SLC2A13: variants seen among roughly 807,000 people sequenced by gnomAD.
The protein encoded by SLC2A13 is solute carrier family 2 member 13.
Under a neutral mutation model 64.4 loss-of-function variants are expected in SLC2A13, and 32 were observed. The ratio of observed to expected loss-of-function variants is 0.50; its 90% confidence interval spans 0.37 to 0.67. The LOEUF (loss-of-function observed/expected upper bound fraction) is 0.67. SLC2A13 is among the 30% of genes least tolerant of loss of function. SLC2A13 has a pLI of 0.00. For synonymous variants in SLC2A13, 338 were observed against 327.1 expected (o/e 1.03, Z -0.36); for missense variants, 743 against 829.2 (o/e 0.90, Z 1.28).
At chr12:39,889,693 C>T (rs908109149) in intron 4 of SLC2A13, among the ~76,000 whole-genome samples, 4 of 151,754 alleles carry the variant, frequency 2.6e-5, no homozygotes, top group East Asian at 1.9e-4. Context: ...CCACCACGCC[C>T]GGCTAATTTT....
intron 1 of SLC2A13, among the ~76,000 whole-genome samples, chr12:40,098,589 GGAGTGAGT>G (rs887420569): frequency 1.3e-5 from 2 of 152,204 alleles, no homozygotes; most frequent in Non-Finnish European, 2.9e-5. Context: ...GTTTCAGGGA[GGAGTGAGT>G]GAGTGAGTGA....
chr12:40,013,091 A>C (rs1348155228), intron 3 of SLC2A13, among the ~76,000 whole-genome samples: 1 of 152,170 alleles, frequency 6.6e-6, no homozygotes, highest in Non-Finnish European at 1.5e-5. Flanking sequence ...TAGTTTCTAT[A>C]GTCAAAAGAT....
intron 7 of SLC2A13, among the ~76,000 whole-genome samples, chr12:39,801,736 C>G (rs1242467965): frequency 6.6e-6 from 1 of 152,168 alleles, no homozygotes; most frequent in Non-Finnish European, 1.5e-5. Flanking sequence ...GTTTCCTCAT[C>G]TATAAAAGGA....
chr12:40,003,582 A>G (rs1947354603), intron 3 of SLC2A13, among the ~76,000 whole-genome samples: 1 of 152,144 alleles, frequency 6.6e-6, no homozygotes. Flanking sequence ...TGAAGGGACT[A>G]ATGACATGCC....
intron 3 of SLC2A13, among the ~76,000 whole-genome samples, chr12:39,993,690 A>T (rs1947177068): frequency 6.6e-6 from 1 of 152,236 alleles, no homozygotes; most frequent in South Asian, 2.1e-4. Flanking sequence ...AGATACAAGC[A>T]AGACTTATTG....
intron 4 of SLC2A13, among the ~76,000 whole-genome samples, chr12:39,873,785 G>C (rs902819740): frequency 2.0e-5 from 3 of 152,172 alleles, no homozygotes; most frequent in East Asian, 1.9e-4. Flanking sequence ...ATGAAAAAAA[G>C]TTCCATAGCT....
At chr12:40,092,536 C>T (rs1205647175) in intron 1 of SLC2A13, among the ~76,000 whole-genome samples, 1 of 152,116 alleles carries the variant, frequency 6.6e-6, no homozygotes, top group East Asian at 1.9e-4. Flanking sequence ...TACACTTACA[C>T]ATGTTTTTTG....
chr12:39,906,432 C>T (rs978233248), intron 4 of SLC2A13, among the ~76,000 whole-genome samples: 1 of 152,042 alleles, frequency 6.6e-6, no homozygotes, highest in African/African-American at 2.4e-5. Context: ...ATATGAAAGT[C>T]ACTAGATAAC....
At chr12:39,790,230 T>C (rs1941338965) in intron 7 of SLC2A13, among the ~76,000 whole-genome samples, 1 of 151,970 alleles carries the variant, frequency 6.6e-6, no homozygotes, top group Non-Finnish European at 1.5e-5. Context: ...TTCTTCTTTT[T>C]TTATTATACT....
intron 3 of SLC2A13, among the ~76,000 whole-genome samples, chr12:40,020,585 T>C (rs183413586): frequency 4.2e-4 from 64 of 152,300 alleles, no homozygotes; most frequent in Admixed American, 1.2e-3. Context: ...CACATGGCCA[T>C]TGATATTCTG....
chr12:39,999,067 A>C (rs935068676), intron 3 of SLC2A13, among the ~76,000 whole-genome samples: 2 of 152,164 alleles, frequency 1.3e-5, no homozygotes, highest in Non-Finnish European at 2.9e-5. Context: ...TTCCCAAATA[A>C]TACTTTCATA....
chr12:40,030,460 C>T (rs1947887589), intron 2 of SLC2A13, among the ~76,000 whole-genome samples: 1 of 152,014 alleles, frequency 6.6e-6, no homozygotes, highest in South Asian at 2.1e-4. Flanking sequence ...TCAAGGTAGA[C>T]CCTAAATATA....
chr12:39,838,160 C>T (rs1943071553), intron 6 of SLC2A13, among the ~76,000 whole-genome samples: 1 of 148,588 alleles, frequency 6.7e-6, no homozygotes, highest in Admixed American at 6.7e-5. Flanking sequence ...ACTACGCAGC[C>T]ATAAAAAAGG....
intron 3 of SLC2A13, among the ~76,000 whole-genome samples, chr12:40,027,035 G>C (rs957105934): frequency 6.6e-6 from 1 of 150,634 alleles, no homozygotes; most frequent in Non-Finnish European, 1.5e-5. Flanking sequence ...AGCCAAGATC[G>C]CGCCATTGCA....
intron 7 of SLC2A13, among the ~76,000 whole-genome samples, chr12:39,808,366 G>A (rs960893713): frequency 6.6e-6 from 1 of 150,384 alleles, no homozygotes; most frequent in Non-Finnish European, 1.5e-5. Context: ...TAACATCTAC[G>A]TAATTTCCAA....
chr12:40,030,905 C>T (rs941168857), intron 2 of SLC2A13, among the ~76,000 whole-genome samples: 3 of 152,078 alleles, frequency 2.0e-5, no homozygotes, highest in Non-Finnish European at 4.4e-5. Context: ...GTTGCCCTAA[C>T]GTGTGGAAAA....
intron 4 of SLC2A13, among the ~76,000 whole-genome samples, chr12:39,924,124 G>T (rs968851171): frequency 3.9e-5 from 6 of 152,026 alleles, no homozygotes; most frequent in Non-Finnish European, 7.4e-5. Context: ...TGTTAATAAT[G>T]TACACTCTTA....
At chr12:39,971,018 G>A (rs757061821) in intron 3 of SLC2A13, among the ~76,000 whole-genome samples, 3 of 151,800 alleles carry the variant, frequency 2.0e-5, no homozygotes, top group Middle Eastern at 3.2e-3. Context: ...AAGCCTTTAC[G>A]GTCACTAATA....
intron 1 of SLC2A13, among the ~76,000 whole-genome samples, chr12:40,089,745 G>C (rs953466894): frequency 6.6e-6 from 1 of 152,168 alleles, no homozygotes; most frequent in African/African-American, 2.4e-5. Flanking sequence ...AAAATATATG[G>C]AGATATACAT....
Sources: allele counts gnomAD v4.1 joint callset (sites outside exome capture counted in the v4.1 genomes callset), GRCh38; gene constraint gnomAD v4.1.1; transcripts MANE v1.5; gene names NCBI Gene and HGNC (gene_info 2026-07-23, HGNC 2026-07-21).